The following RAB37 variants were observed in gnomAD, a reference collection of about 807,000 sequenced individuals.
The protein encoded by RAB37 is ras-related protein Rab-37.
Under a neutral mutation model 33.1 loss-of-function variants are expected in RAB37, and 29 were observed. The observed-to-expected ratio is 0.88, with a 90% CI of 0.65 to 1.20. The LOEUF is 1.20. Among genes scored for constraint, RAB37 ranks in the 50% most tolerant of loss-of-function variants. RAB37 has a pLI of 0.00. For synonymous variants in RAB37, 128 were observed against 119.5 expected (o/e 1.07, Z -0.47); for missense variants, 299 against 301.1 (o/e 0.99, Z 0.05).
At chr17:74,679,993 AAGAAAG>A (rs762027802) in intron 1 of RAB37, among the ~76,000 whole-genome samples, 44 of 131,660 alleles carry the variant, frequency 3.3e-4, no homozygotes, top group Admixed American at 9.0e-4. Flanking sequence ...AAAAAAAAAA[AAGAAAG>A]AAAGAAAGAA....
At chr17:74,711,091 AT>A (rs1243058470) in intron 1 of RAB37, among the ~76,000 whole-genome samples, 1 of 151,936 alleles carries the variant, frequency 6.6e-6, no homozygotes, top group Non-Finnish European at 1.5e-5. Context: ...CCGGATGGGT[AT>A]TTTTTTTCTT....
chr17:74,721,841 A>G (rs2034244771), intron 1 of RAB37, among the ~76,000 whole-genome samples: 1 of 152,036 alleles, frequency 6.6e-6, no homozygotes, highest in Admixed American at 6.6e-5. Flanking sequence ...CTCAATGTAT[A>G]CTCCCACTAA....
chr17:74,704,468 T>C, intron 1 of RAB37: 1 of 1,594,324 alleles, frequency 6.3e-7, no homozygotes, highest in Non-Finnish European at 8.6e-7. Flanking sequence ...ATATATACAC[T>C]CCCTCTTACC....
intron 1 of RAB37, among the ~76,000 whole-genome samples, chr17:74,701,707 G>A (rs766183733): frequency 2.6e-5 from 4 of 152,154 alleles, no homozygotes; most frequent in South Asian, 2.1e-4. Flanking sequence ...AAAATTGGCC[G>A]GGCATGGTGG....
intron 1 of RAB37, among the ~76,000 whole-genome samples, chr17:74,700,965 G>A (rs1211417610): frequency 2.6e-5 from 4 of 152,066 alleles, no homozygotes; most frequent in African/African-American, 9.7e-5. Context: ...GAAGAGATCA[G>A]GACACAGACA....
At chr17:74,709,220 C>CA (rs1054719174) in intron 1 of RAB37, among the ~76,000 whole-genome samples, 82 of 128,456 alleles carry the variant, frequency 6.4e-4, no homozygotes, top group Middle Eastern at 4.0e-3. Flanking sequence ...AAGACTGACT[C>CA]AAAAAAAAAA....
chr17:74,701,060 G>A (rs1457475898), intron 1 of RAB37, among the ~76,000 whole-genome samples: 11 of 152,186 alleles, frequency 7.2e-5, no homozygotes, highest in Admixed American at 6.5e-4. Context: ...CAACCTTGTG[G>A]ACCACTTGAT....
intron 1 of RAB37, among the ~76,000 whole-genome samples, chr17:74,699,160 G>A (rs1320833056): frequency 1.3e-5 from 2 of 151,958 alleles, no homozygotes; most frequent in Non-Finnish European, 2.9e-5. Flanking sequence ...CTCATGATCC[G>A]CCCACCTCAG....
chr17:74,696,961 G>A (rs575423156), intron 1 of RAB37, among the ~76,000 whole-genome samples: 5 of 146,828 alleles, frequency 3.4e-5, no homozygotes, highest in Admixed American at 2.7e-4. Context: ...TTGGTTTTGA[G>A]ATGGAGTTTC....
chr17:74,677,822 A>C (rs1275494445), intron 1 of RAB37, among the ~76,000 whole-genome samples: 2 of 152,202 alleles, frequency 1.3e-5, no homozygotes, highest in African/African-American at 4.8e-5. Context: ...GACTCAGTCC[A>C]GCGCCTCAAA....
At chr17:74,725,577 G>C (rs532472498) in intron 1 of RAB37, among the ~76,000 whole-genome samples, 1 of 152,154 alleles carries the variant, frequency 6.6e-6, no homozygotes, top group South Asian at 2.1e-4. Flanking sequence ...GACCAGCGCT[G>C]AGCTCTCCAC....
At position 74,744,912 on chromosome 17, in the gene RAB37, G is replaced by T; in HGVS notation, c.472G>T (p.Gly158Ter). The change falls in exon 7 of 9, where the codon GGA becomes TGA. Residue 158 changes from glycine (G) to a stop codon, truncating the protein, a stop_gained. Coordinates refer to ENST00000392613, the MANE Select transcript of RAB37 (RefSeq NM_001006638.3). LOFTEE classifies it high-confidence loss of function. The surrounding 1 kb of genome is among the most constrained non-coding windows in gnomAD (Gnocchi z 4.2). ...SSERVIRSED[G>*]ETLAREYGVP... The stretch of plus-strand genomic sequence containing the variant: ...CGAAAGAGTGATCCGTTCCGAAGAC[G>T]GAGAGACCTTGGCCAGGGTAAGTGA... 1 of 1,614,276 alleles carries T rather than the reference G, an allele frequency of 6.2e-7. No homozygotes were observed. The highest frequency in any genetic ancestry group is 1.1e-5 in the South Asian group (1 of 91,086).
chr17:74,700,517 G>A (rs557200400), intron 1 of RAB37, among the ~76,000 whole-genome samples: 1 of 152,264 alleles, frequency 6.6e-6, no homozygotes, highest in South Asian at 2.1e-4. Flanking sequence ...GAGGCAGGCT[G>A]ATCACATGAG....
At chr17:74,698,559 AG>A in intron 1 of RAB37, 1 of 1,524,686 alleles carries the variant, frequency 6.6e-7, no homozygotes, top group Non-Finnish European at 8.8e-7. Context: ...ACCCAGCAGC[AG>A]GGGAGGGCCA....
chr17:74,737,454 G>GGCA lies in RAB37; in HGVS notation c.93+92_93+94dup, dbSNP rs2034506105. Reference sequence around the variant, plus strand: ...TGGGTTGGACTCAGCCCTTCCCCCAGGCAGCTGCGTCTCCCAGAGGAGGGA... The same window carrying GGCA: ...TGGGTTGGACTCAGCCCTTCCCCCAGGCAGCAGCTGCGTCTCCCAGAGGAGGGA... On this transcript the variant is annotated intron_variant, in intron 1 of 8. Coordinates refer to ENST00000392613, the MANE Select transcript of RAB37 (RefSeq NM_001006638.3). 2.2e-6 allele frequency: 3 copies of GGCA among 1,370,562 alleles called. No homozygotes were observed. In the African/African-American group the frequency reaches 4.3e-5, roughly 20 times the overall value. 84.9% of individuals were successfully genotyped at this position (1,370,562 alleles called of 1,614,324 possible). A position where few individuals can be genotyped will look rare whatever the true frequency, so the allele number is the denominator to read the frequency against.
chr17:74,732,760 G>C (rs893923714), upstream of RAB37, among the ~76,000 whole-genome samples: 113 of 148,134 alleles, frequency 7.6e-4, no homozygotes, highest in Middle Eastern at 0.01. Context: ...GAGGTGTGTG[G>C]TGTGATTTGA....
At position 74,676,295 on chromosome 17, in the gene RAB37, G is replaced by A. The variant is rs2031830969; in HGVS notation, c.72+4637G>A. ...CCACATACCAGACTAGCTTCCAGAG[G>A]GACGAACAATTCCTAGGACAAAGTC... On this transcript the variant is annotated intron_variant, in intron 1 of 7. Coordinates refer to the RAB37 transcript ENST00000340415. The surrounding 1 kb of genome is among the most constrained non-coding windows in gnomAD (Gnocchi z 4.1). 6.6e-6 allele frequency among the ~76,000 whole-genome samples: 1 copy of A among 151,988 alleles called. No homozygotes were observed.
rs1032901641 is a variant in RAB37 at position 74,726,120 on chromosome 17, A to C, written c.73-3136A>C. Among the ~76,000 whole-genome samples, 47 of 151,802 alleles carry C rather than the reference A, an allele frequency of 3.1e-4. 1 individual carries two copies. Among genetic ancestry groups the C allele is most frequent in the Non-Finnish European group, 5.7e-4 (39 of 67,968 alleles). On this transcript the variant is annotated intron_variant, in intron 1 of 7. Transcript: ENST00000340415. The stretch of plus-strand genomic sequence containing the variant: ...TGTGGTGGCGGGCGCCTGTAGTCCC[A>C]GCTACTTGGGAGGCTGAGGCAGAAG...
At chr17:74,734,467 C>T (rs1042667470), upstream of RAB37, among the ~76,000 whole-genome samples, 12 of 152,214 alleles carry the variant, frequency 7.9e-5, no homozygotes, top group East Asian at 1.9e-4. Flanking sequence ...CCCATAACAG[C>T]ATGGTTTACA....
Sources: allele counts gnomAD v4.1 joint callset (sites outside exome capture counted in the v4.1 genomes callset), GRCh38; gene constraint gnomAD v4.1.1; non-coding constraint Gnocchi (gnomAD v3.1); transcripts MANE v1.5; gene names NCBI Gene and HGNC (gene_info 2026-07-23, HGNC 2026-07-21).